The following BZW2 variants were observed in gnomAD, a reference collection of about 807,000 sequenced individuals.
BZW2 encodes the protein basic leucine zipper and W2 domains 2, also known as eIF5-mimic protein 1.
A neutral mutation model predicts 53.2 loss-of-function variants in BZW2; 23 were observed. The ratio of observed to expected loss-of-function variants is 0.43; its 90% CI spans 0.31 to 0.61. The LOEUF is 0.61. Ranked by LOEUF, BZW2 falls within the 20% of genes least tolerant of loss-of-function variation. The pLI, the probability that BZW2 is intolerant of heterozygous loss-of-function variation, is 0.09. For missense variants in BZW2, 409 were observed against 503.1 expected (o/e 0.81, Z 1.79); for synonymous variants, 227 against 186.4 (o/e 1.22, Z -1.77).
chr7:16,670,939 C>T (rs1224885221), intron 2 of BZW2, among the ~76,000 whole-genome samples: 5 of 152,156 alleles, frequency 3.3e-5, no homozygotes, highest in Non-Finnish European at 7.3e-5. Context: ...ACTGGGAATG[C>T]CATTCTTCTC....
In BZW2 at chr7:16,654,520, C is replaced by T. The variant is rs201882153; in HGVS notation, c.-8+8232C>T. Among the ~76,000 whole-genome samples the T allele has an allele frequency of 6.8e-5, 8 of 117,816 alleles. 1 individual carries two copies. In the East Asian group the frequency reaches 2.2e-3, roughly 32 times the overall value. 77.3% of individuals were successfully genotyped at this position (117,816 alleles called of 152,430 possible). A position where few individuals can be genotyped will look rare whatever the true frequency, so the allele number is the denominator to read the frequency against. On this transcript the variant is annotated intron_variant, in intron 1 of 11. Transcript: ENST00000258761. The stretch of plus-strand genomic sequence containing the variant: ...TTTTTCTGTATATAACCCCCCCCCC[C>T]CAAAAAAAAACGGATGATATTTATT...
intron 11 of BZW2, among the ~76,000 whole-genome samples, chr7:16,705,731 A>T (rs576382293): frequency 2.0e-5 from 3 of 149,708 alleles, no homozygotes; most frequent in Non-Finnish European, 4.4e-5. Flanking sequence ...AGGTGATCCA[A>T]AGAAGAAAAG....
At chr7:16,669,327 A>G (rs1782531453) in intron 2 of BZW2, among the ~76,000 whole-genome samples, 1 of 152,126 alleles carries the variant, frequency 6.6e-6, no homozygotes, top group Admixed American at 6.5e-5. Context: ...AAGTTTCATC[A>G]TGTTGCTCAG....
At chr7:16,671,592 G>A (rs1003998398) in intron 2 of BZW2, among the ~76,000 whole-genome samples, 1 of 151,936 alleles carries the variant, frequency 6.6e-6, no homozygotes. Flanking sequence ...TGAGGCCTTG[G>A]GTGTTTCAGT....
chr7:16,698,267 A>G, intron 10 of BZW2, 81 bp downstream of exon 10: 1 of 1,550,948 alleles, frequency 6.4e-7, no homozygotes, highest in Non-Finnish European at 8.9e-7. Flanking sequence ...GAGGCAGAGG[A>G]GGTCATGGGG....
intron 1 of BZW2, among the ~76,000 whole-genome samples, chr7:16,659,863 T>A (rs1351347798): frequency 1.3e-5 from 2 of 151,294 alleles, no homozygotes; most frequent in Admixed American, 6.6e-5. Context: ...TTTTTTTTTT[T>A]ATTATACTTT....
At chr7:16,681,150 T>C in intron 3 of BZW2, 151 bp from the exon 4 acceptor site, 1 of 657,048 alleles carries the variant, frequency 1.5e-6, no homozygotes, top group Non-Finnish European at 2.6e-6. Context: ...TGTACATCTA[T>C]ACATACATGT....
At chr7:16,652,800 C>T (rs818585) in intron 1 of BZW2, among the ~76,000 whole-genome samples, 61,349 of 152,114 alleles carry the variant, frequency 0.4, 12,892 homozygotes, top group African/African-American at 0.5. Flanking sequence ...GCTGGGATTA[C>T]AGGCATGAGC....
chr7:16,648,000 T>A (rs573874747), intron 1 of BZW2, among the ~76,000 whole-genome samples: 1 of 152,340 alleles, frequency 6.6e-6, no homozygotes, highest in African/African-American at 2.4e-5. Flanking sequence ...TATTTAGTGC[T>A]CTCTGAATAC....
chr7:16,668,346 G>T (rs1782493234), intron 2 of BZW2, among the ~76,000 whole-genome samples: 1 of 152,150 alleles, frequency 6.6e-6, no homozygotes, highest in African/African-American at 2.4e-5. Flanking sequence ...TCACTTGGTG[G>T]TCAAGATTGT....
At chr7:16,687,677 C>T (rs1184023663) in intron 6 of BZW2, 2 of 151,972 alleles carry the variant, frequency 1.3e-5, no homozygotes, top group Non-Finnish European at 2.9e-5. Flanking sequence ...GCTATAATCA[C>T]ATCATCTTAC....
At chr7:16,703,711 T>C (rs986315120) in intron 10 of BZW2, among the ~76,000 whole-genome samples, 3 of 152,268 alleles carry the variant, frequency 2.0e-5, no homozygotes, top group Admixed American at 6.5e-5. Context: ...CATTAGAACA[T>C]TGGGAGACTA....
At chr7:16,698,271 C>G in intron 10 of BZW2, 85 bp downstream of exon 10, 1 of 1,535,738 alleles carries the variant, frequency 6.5e-7, no homozygotes, top group Non-Finnish European at 9.0e-7. Flanking sequence ...CAGAGGAGGT[C>G]ATGGGGCTCT....
intron 1 of BZW2, 46 bp from the exon 2 acceptor site, chr7:16,665,391 A>G (rs1182873147): frequency 8.1e-6 from 13 of 1,611,656 alleles, no homozygotes; most frequent in Non-Finnish European, 5.1e-6. Context: ...TTTTCCATAT[A>G]AACTGCTTAT....
intron 2 of BZW2, among the ~76,000 whole-genome samples, chr7:16,668,928 G>A (rs913971788): frequency 1.3e-5 from 2 of 152,108 alleles, no homozygotes; most frequent in Non-Finnish European, 2.9e-5. Context: ...CTGAAAAGAT[G>A]AAAATTTCTC....
chr7:16,683,068 C>T (rs909160501), intron 5 of BZW2, among the ~76,000 whole-genome samples: 11 of 152,056 alleles, frequency 7.2e-5, no homozygotes, highest in African/African-American at 2.4e-4. Context: ...TGGTGGCATG[C>T]ACCTGTAATC....
rs762227028 is a variant in BZW2, at chr7:16,686,058, T to C, written c.541+18T>C. 8.7e-6 allele frequency: 14 copies of C among 1,611,234 alleles called. No homozygotes were observed. The highest frequency in any genetic ancestry group is 1.1e-5 in the Non-Finnish European group (13 of 1,178,926). ...CAAAGAAGGTAACGAGGCTCCTGTT[T>C]TCTCGCCTGTCAGACAACAAAAGAA... On this transcript the variant is annotated intron_variant, in intron 6 of 11. Coordinates refer to ENST00000258761, the MANE Select transcript of BZW2 (RefSeq NM_014038.3).
At chr7:16,664,566 C>A (rs1841217) in intron 1 of BZW2, among the ~76,000 whole-genome samples, 20,383 of 152,208 alleles carry the variant, frequency 0.13, 1,454 homozygotes, top group Middle Eastern at 0.19. Flanking sequence ...AGCGATGAGA[C>A]GAGATGTGTA....
chr7:16,667,049 G>C (rs922392416), intron 2 of BZW2, among the ~76,000 whole-genome samples: 2 of 152,188 alleles, frequency 1.3e-5, no homozygotes, highest in African/African-American at 2.4e-5. Flanking sequence ...TTGGGAGGCC[G>C]AGGCGAGTGG....
Sources: gnomAD v4.1 joint callset for allele counts (sites outside exome capture counted in the v4.1 genomes callset) on GRCh38, gnomAD v4.1.1 for gene constraint, MANE v1.5 for transcripts, NCBI Gene and HGNC (gene_info 2026-07-23, HGNC 2026-07-21) for gene names.